PTPRN2: variants seen among roughly 807,000 people sequenced by gnomAD.
The protein encoded by PTPRN2 is receptor-type tyrosine-protein phosphatase N2.
PTPRN2 carries 74 observed loss-of-function variants against 118.8 expected under a neutral mutation model. The observed-to-expected ratio is 0.62, with a 90% CI of 0.52 to 0.76. PTPRN2 has a LOEUF of 0.76. Among genes scored for constraint, PTPRN2 ranks in the 30% least tolerant of loss-of-function variants. The pLI is 0.00. For missense variants in PTPRN2, 1,481 were observed against 1,394.4 expected (o/e 1.06, Z -0.99); for synonymous variants, 641 against 608.0 (o/e 1.05, Z -0.80).
intron 5 of PTPRN2, among the ~76,000 whole-genome samples, chr7:158,174,759 T>G (rs1425600927): frequency 6.6e-6 from 1 of 152,166 alleles, no homozygotes; most frequent in African/African-American, 2.4e-5. Flanking sequence ...AAGAATGTGA[T>G]TCTCTTCAGC....
intron 2 of PTPRN2, among the ~76,000 whole-genome samples, chr7:158,353,419 A>C (rs1171002697): frequency 2.6e-5 from 4 of 152,214 alleles, no homozygotes; most frequent in Non-Finnish European, 5.9e-5. Flanking sequence ...CTTACTTTAC[A>C]TTTGCCTAAG....
chr7:158,414,367 G>A (rs556878649), intron 2 of PTPRN2, among the ~76,000 whole-genome samples: 3 of 151,474 alleles, frequency 2.0e-5, no homozygotes, highest in Admixed American at 6.5e-5. Flanking sequence ...CCCAAAGGAC[G>A]GATCCAGGAG....
At chr7:158,554,348 A>C (rs915800102) in intron 1 of PTPRN2, among the ~76,000 whole-genome samples, 1 of 152,254 alleles carries the variant, frequency 6.6e-6, no homozygotes, top group African/African-American at 2.4e-5. Flanking sequence ...TCCTGAAACC[A>C]GGAGACAATT....
At chr7:157,942,666 GTA>G in intron 11 of PTPRN2, among the ~76,000 whole-genome samples, 1 of 152,180 alleles carries the variant, frequency 6.6e-6, no homozygotes, top group East Asian at 1.9e-4. Context: ...AAAATGATGT[GTA>G]TCCCCTCCCA....
In PTPRN2 at chr7:157,589,861, T is replaced by C. The variant is rs147880835; in HGVS notation, c.2496+5377A>G. ...GCCGAGGCCAAGTTTCCTTGTGACGTCTGGGCTGACAGCGGCGGCGTGGAT... is the reference window on the plus strand; with the variant it reads ...GCCGAGGCCAAGTTTCCTTGTGACGCCTGGGCTGACAGCGGCGGCGTGGAT... On this transcript the variant is annotated intron_variant, in intron 17 of 22. Transcript: ENST00000389418. Among the ~76,000 whole-genome samples, 403 of 152,362 alleles carry C rather than the reference T, an allele frequency of 2.6e-3. 3 individuals are homozygous for C. The highest frequency in any genetic ancestry group is 9.2e-3 in the African/African-American group (383 of 41,584).
intron 2 of PTPRN2, among the ~76,000 whole-genome samples, chr7:158,378,505 T>TCCCCACAGTGAGCTGCTCCCC (rs1810722166): frequency 6.6e-6 from 1 of 152,124 alleles, no homozygotes; most frequent in Non-Finnish European, 1.5e-5. Context: ...CCCTGTCCTC[T>TCCCCACAGTGAGCTGCTCCCC]CCCCACAGTG....
At chr7:157,752,157 G>A (rs556675183) in intron 12 of PTPRN2, among the ~76,000 whole-genome samples, 1 of 152,360 alleles carries the variant, frequency 6.6e-6, no homozygotes, top group South Asian at 2.1e-4. Flanking sequence ...TGCCTGCTGT[G>A]TCTGCAGCTC....
At chr7:157,551,548 A>G (rs569171544) in intron 21 of PTPRN2, among the ~76,000 whole-genome samples, 116 of 132,072 alleles carry the variant, frequency 8.8e-4, no homozygotes, top group African/African-American at 3.1e-3. Flanking sequence ...CCCCACAGCC[A>G]CCACACACCC....
intron 12 of PTPRN2, among the ~76,000 whole-genome samples, chr7:157,735,780 C>T (rs573832861): frequency 7.9e-5 from 12 of 152,080 alleles, no homozygotes; most frequent in African/African-American, 1.4e-4. Flanking sequence ...AGCAGGTGGG[C>T]GCCTTTGGTC....
chr7:158,366,730 G>A (rs9986799), intron 2 of PTPRN2, among the ~76,000 whole-genome samples: 6,424 of 152,112 alleles, frequency 0.042, 442 homozygotes, highest in African/African-American at 0.15. Context: ...GAAATCAGTC[G>A]CCATTGACGG....
chr7:158,583,393 C>T (rs887321394), intron 1 of PTPRN2, among the ~76,000 whole-genome samples: 6 of 152,056 alleles, frequency 3.9e-5, no homozygotes, highest in Non-Finnish European at 7.4e-5. Context: ...CAGAGATTCC[C>T]GCTGTGCACC....
Position 157,591,864 on chromosome 7 carries a change from G to A in PTPRN2, c.2496+3374C>T, listed in dbSNP as rs974015083. On this transcript the variant is annotated intron_variant, in intron 17 of 22. Transcript: ENST00000389418. The surrounding 1 kb of genome is among the most constrained non-coding windows in gnomAD (Gnocchi z 4.4). ...AGGGATCCCCAGGTTGAAGGATGAC[G>A]TGGAAGCAATGACGTCGTGGTCAGG... is the stretch of plus-strand genomic sequence containing the variant. 2.6e-5 allele frequency among the ~76,000 whole-genome samples: 4 copies of A among 152,146 alleles called. No homozygotes were observed. Among genetic ancestry groups the A allele is most frequent in the African/African-American group, 4.8e-5 (2 of 41,416 alleles).
chr7:158,102,414 C>T (rs912971007), intron 10 of PTPRN2, among the ~76,000 whole-genome samples: 2 of 152,194 alleles, frequency 1.3e-5, no homozygotes, highest in African/African-American at 2.4e-5. Flanking sequence ...TTCCTCCCTC[C>T]CATGGCTCCA....
Position 158,262,326 on chromosome 7 carries a change from AC to A in PTPRN2, c.277+54492del, listed in dbSNP as rs1797470222. 3.3e-5 allele frequency among the ~76,000 whole-genome samples: 4 copies of A among 120,048 alleles called. No homozygotes were observed. In the East Asian group the frequency reaches 1.0e-3, roughly 31 times the overall value. 78.8% of individuals were successfully genotyped at this position (120,048 alleles called of 152,430 possible). On this transcript the variant is annotated intron_variant, in intron 3 of 22. Coordinates refer to ENST00000389418, the MANE Select transcript of PTPRN2 (RefSeq NM_002847.5). ...ACATTCACACACTGCACACACATTC[AC>A]ACACACTGCACACATATTCACACAC...
intron 1 of PTPRN2, among the ~76,000 whole-genome samples, chr7:158,513,292 C>G (rs935650708): frequency 2.0e-5 from 3 of 152,176 alleles, no homozygotes; most frequent in African/African-American, 7.2e-5. Context: ...CAGGCCTCCT[C>G]AAAACTGTCA....
chr7:158,331,831 C>T (rs1311310960), intron 2 of PTPRN2, among the ~76,000 whole-genome samples: 116 of 100,646 alleles, frequency 1.2e-3, no homozygotes, highest in Non-Finnish European at 1.6e-3. Flanking sequence ...AGGTGACACC[C>T]GCAGACGACA....
chr7:158,068,526 C>T lies in PTPRN2; in HGVS notation c.1723+12772G>A, dbSNP rs144657498. ...AGGGAAGCATGGGCCTGCATTGGTACGGCTTCACTTTAAAAATGCATCATC... is the reference window on the plus strand; with the variant it reads ...AGGGAAGCATGGGCCTGCATTGGTATGGCTTCACTTTAAAAATGCATCATC... On this transcript the variant is annotated intron_variant, in intron 11 of 22. Transcript: ENST00000389418. Among the ~76,000 whole-genome samples the T allele has an allele frequency of 1.6e-4, 24 of 152,372 alleles. 1 individual carries two copies. The highest frequency in any genetic ancestry group is 3.4e-3 in the Middle Eastern group (1 of 294).
intron 10 of PTPRN2, among the ~76,000 whole-genome samples, chr7:158,103,158 C>A (rs1417374931): frequency 6.6e-6 from 1 of 152,208 alleles, no homozygotes; most frequent in East Asian, 1.9e-4. Flanking sequence ...CTCCCACTTA[C>A]CACCTGTGGC....
intron 2 of PTPRN2, among the ~76,000 whole-genome samples, chr7:158,359,532 A>T (rs1471240805): frequency 6.6e-6 from 1 of 152,032 alleles, no homozygotes; most frequent in Non-Finnish European, 1.5e-5. Context: ...GCCTTCAAAG[A>T]TTTGCAGCCT....
Sources: gnomAD v4.1 joint callset for allele counts (sites outside exome capture counted in the v4.1 genomes callset) on GRCh38, gnomAD v4.1.1 for gene constraint, Gnocchi (gnomAD v3.1) non-coding constraint, MANE v1.5 for transcripts, NCBI Gene and HGNC (gene_info 2026-07-23, HGNC 2026-07-21) for gene names.